PTPRD: variants seen among roughly 807,000 people sequenced by gnomAD.
PTPRD encodes receptor-type tyrosine-protein phosphatase delta.
In PTPRD, 34 loss-of-function variants were observed where a neutral mutation model predicts 214.5. That is an observed-to-expected ratio of 0.16 (90% CI 0.12 to 0.21). The LOEUF (loss-of-function observed/expected upper bound fraction) is 0.21. PTPRD is among the 10% of genes least tolerant of loss of function. The pLI, the probability that PTPRD is intolerant of heterozygous loss-of-function variation, is 1.00. For missense variants in PTPRD, 2,545 were observed against 2,398.7 expected, an observed-to-expected ratio of 1.06 and a Z score of -1.27; for synonymous variants, 1,128 against 845.7, an observed-to-expected ratio of 1.33 and a Z score of -5.79.
intron 3 of PTPRD, among the ~76,000 whole-genome samples, chr9:10,248,518 A>AT (rs2092431478): frequency 1.5e-5 from 1 of 65,822 alleles, no homozygotes; most frequent in Non-Finnish European, 5.6e-5. Flanking sequence ...TAGCAAAAAA[A>AT]AAAAAAAATA....
chr9:10,025,627 C>T (rs79686001), intron 4 of PTPRD, among the ~76,000 whole-genome samples: 3 of 152,084 alleles, frequency 2.0e-5, no homozygotes, highest in African/African-American at 7.2e-5. Flanking sequence ...AAATACGATG[C>T]AAATTTTAGA....
rs372196480 is a variant in PTPRD, at chr9:9,954,495, T to C, written c.-471-15885A>G. ...TGTAAGAGAACTATTAATAAGAACA[T>C]TACTTATAAAATACATAATCAGACA... On this transcript the variant is annotated intron_variant, in intron 4 of 45. Transcript: ENST00000381196. 1.5e-3 allele frequency among the ~76,000 whole-genome samples: 234 copies of C among 151,960 alleles called. 8 individuals carry two copies. The South Asian group carries it at 0.047, about 31-fold the overall frequency.
chr9:9,210,666 TGCC>T, intron 9 of PTPRD, among the ~76,000 whole-genome samples: 1 of 150,954 alleles, frequency 6.6e-6, no homozygotes, highest in Admixed American at 6.6e-5. Flanking sequence ...ACAAATGACT[TGCC>T]ACATGCCACA....
chr9:8,858,796 A>AACCCACAC (rs2098019457), intron 11 of PTPRD, among the ~76,000 whole-genome samples: 1 of 141,792 alleles, frequency 7.1e-6, no homozygotes, highest in Non-Finnish European at 1.5e-5. Context: ...TGAAGGAGGC[A>AACCCACAC]ACACACACAC....
At chr9:8,641,777 C>T (rs968329418) in intron 12 of PTPRD, among the ~76,000 whole-genome samples, 3 of 152,176 alleles carry the variant, frequency 2.0e-5, no homozygotes, top group African/African-American at 7.2e-5. Context: ...CTGATTTTTG[C>T]TTTTAAGAAG....
At chr9:10,055,390 A>C (rs2097612313) in intron 3 of PTPRD, among the ~76,000 whole-genome samples, 1 of 151,958 alleles carries the variant, frequency 6.6e-6, no homozygotes, top group Non-Finnish European at 1.5e-5. Flanking sequence ...TTTTCCATAT[A>C]CTCTTTCACT....
At chr9:9,552,470 A>C (rs1361442728) in intron 8 of PTPRD, among the ~76,000 whole-genome samples, 1 of 152,096 alleles carries the variant, frequency 6.6e-6, no homozygotes, top group African/African-American at 2.4e-5. Context: ...AAATAATTTT[A>C]ACTTCCTAAA....
intron 5 of PTPRD, among the ~76,000 whole-genome samples, chr9:9,905,469 A>G (rs1166749613): frequency 2.0e-5 from 3 of 152,108 alleles, no homozygotes; most frequent in Non-Finnish European, 4.4e-5. Flanking sequence ...ATGGCTACAT[A>G]CAAAAACTTG....
chr9:9,280,356 T>C (rs1192835134), intron 9 of PTPRD, among the ~76,000 whole-genome samples: 1 of 151,172 alleles, frequency 6.6e-6, no homozygotes, highest in Non-Finnish European at 1.5e-5. Flanking sequence ...ACTGAATAAC[T>C]AAAAATGATA....
intron 8 of PTPRD, among the ~76,000 whole-genome samples, chr9:9,488,466 T>G (rs2095754987): frequency 6.6e-6 from 1 of 152,202 alleles, no homozygotes; most frequent in Admixed American, 6.5e-5. Flanking sequence ...GAATAGTGTT[T>G]CTGCTCTCAG....
chr9:10,350,922 A>G lies in PTPRD; in HGVS notation c.-599-9905T>C, dbSNP rs573175278. 3.9e-5 allele frequency among the ~76,000 whole-genome samples: 6 copies of G among 152,268 alleles called. No homozygotes were observed. The East Asian group carries it at 5.8e-4, about 15-fold the overall frequency. On this transcript the variant is annotated intron_variant, in intron 2 of 45. Coordinates refer to ENST00000381196, the MANE Select transcript of PTPRD (RefSeq NM_002839.4). ...AGACATCGTAATTCCTTAGAGTCAT[A>G]AAATGGTGATGATATAAAAAAGAAA...
At chr9:10,181,639 T>A (rs186370905) in intron 3 of PTPRD, among the ~76,000 whole-genome samples, 5 of 151,938 alleles carry the variant, frequency 3.3e-5, no homozygotes, top group African/African-American at 9.7e-5. Context: ...TTATAAAACA[T>A]AGTAATTAAG....
At chr9:10,234,151 G>A (rs764286267) in intron 3 of PTPRD, among the ~76,000 whole-genome samples, 1 of 151,668 alleles carries the variant, frequency 6.6e-6, no homozygotes, top group Non-Finnish European at 1.5e-5. Context: ...CTACTCAGGA[G>A]GCTGATGCAG....
chr9:9,374,544 G>A (rs2060296424), intron 9 of PTPRD, among the ~76,000 whole-genome samples: 1 of 152,142 alleles, frequency 6.6e-6, no homozygotes, highest in Non-Finnish European at 1.5e-5. Context: ...GGGTAATAAA[G>A]TAAGGTAAAG....
rs16928581 is a variant in PTPRD at position 8,896,737 on chromosome 9, A to G, written c.-104+121960T>C. The stretch of plus-strand genomic sequence containing the variant: ...CATATACGTAACTCCCAGAAAGATT[A>G]TAGATGAGTGCAATTAATTTGTACA... On this transcript the variant is annotated intron_variant, in intron 11 of 45. Transcript: ENST00000381196. 3.7e-3 allele frequency among the ~76,000 whole-genome samples: 566 copies of G among 152,298 alleles called. 4 individuals carry two copies. The highest frequency in any genetic ancestry group is 0.013 in the African/African-American group (548 of 41,576).
chr9:8,858,832 C>CACACACAT (rs1555443249), intron 11 of PTPRD, among the ~76,000 whole-genome samples: 1 of 139,476 alleles, frequency 7.2e-6, no homozygotes, highest in African/African-American at 2.9e-5. Flanking sequence ...CACACACATA[C>CACACACAT]ACACACACAG....
chr9:9,491,915 A>G (rs1394946954), intron 8 of PTPRD, among the ~76,000 whole-genome samples: 2 of 152,002 alleles, frequency 1.3e-5, no homozygotes, highest in African/African-American at 4.8e-5. Context: ...AATGAAATAG[A>G]TAATAGAAAA....
rs1454179740 is a variant in PTPRD, at chr9:9,292,765, T to C, written c.-203+104684A>G. ...GCGACAGTTTCTTAGACTAAACTTG[T>C]TTTTGAAGATCTTGACAGATTTGAG... On this transcript the variant is annotated intron_variant, in intron 9 of 45. Transcript: ENST00000381196. Among the ~76,000 whole-genome samples the C allele has an allele frequency of 2.6e-5, 4 of 151,492 alleles. No homozygotes were observed. The South Asian group carries it at 8.3e-4, about 31-fold the overall frequency.
intron 2 of PTPRD, among the ~76,000 whole-genome samples, chr9:10,480,686 C>A (rs944151890): frequency 6.6e-6 from 1 of 151,806 alleles, no homozygotes; most frequent in Admixed American, 6.6e-5. Context: ...GAATATTTTT[C>A]AATGTGAACT....
Sources: allele counts gnomAD v4.1 joint callset (sites outside exome capture counted in the v4.1 genomes callset), GRCh38; gene constraint gnomAD v4.1.1; transcripts MANE v1.5; gene names NCBI Gene and HGNC (gene_info 2026-07-23, HGNC 2026-07-21).